The following SIPA1L1 variants were observed in gnomAD, a reference collection of about 807,000 sequenced individuals.
The protein encoded by SIPA1L1 is signal-induced proliferation-associated 1-like protein 1.
Under a neutral mutation model 162.7 loss-of-function variants are expected in SIPA1L1, and 26 were observed. The ratio of observed to expected loss-of-function variants is 0.16; its 90% confidence interval spans 0.12 to 0.22. SIPA1L1 has a LOEUF of 0.22. SIPA1L1 is among the 10% of genes least tolerant of loss of function. The pLI is 1.00. For synonymous variants in SIPA1L1, 829 were observed against 837.4 expected, an observed-to-expected ratio of 0.99 and a Z score of 0.17; for missense variants, 1,874 against 2,241.0, an observed-to-expected ratio of 0.84 and a Z score of 3.31.
At chr14:71,688,726 T>C (rs2081048787) in intron 13 of SIPA1L1, among the ~76,000 whole-genome samples, 1 of 152,204 alleles carries the variant, frequency 6.6e-6, no homozygotes, top group African/African-American at 2.4e-5. Context: ...ACTCACCAAG[T>C]ATAATTTGGA....
chr14:71,659,046 G>A (rs2043293402), intron 9 of SIPA1L1, among the ~76,000 whole-genome samples: 1 of 152,186 alleles, frequency 6.6e-6, no homozygotes, highest in Admixed American at 6.5e-5. Context: ...ACTAAGAGGT[G>A]ACAGATTGTT....
intron 2 of SIPA1L1, among the ~76,000 whole-genome samples, chr14:71,433,655 T>G (rs2044170171): frequency 6.6e-6 from 1 of 152,174 alleles, no homozygotes; most frequent in African/African-American, 2.4e-5. Flanking sequence ...CCATGAGTTT[T>G]TTTTTTCCTG....
intron 2 of SIPA1L1, among the ~76,000 whole-genome samples, chr14:71,344,378 A>G (rs2035946259): frequency 6.6e-6 from 1 of 152,214 alleles, no homozygotes; most frequent in South Asian, 2.1e-4. Flanking sequence ...GACAATGTAT[A>G]TAGCACCCTT....
intron 12 of SIPA1L1, among the ~76,000 whole-genome samples, chr14:71,678,489 G>A (rs528813983): frequency 6.6e-6 from 1 of 152,284 alleles, no homozygotes; most frequent in East Asian, 1.9e-4. Flanking sequence ...CAGGGATGAA[G>A]CCCACTTGAT....
intron 5 of SIPA1L1, among the ~76,000 whole-genome samples, chr14:71,601,020 G>T (rs2036684002): frequency 6.6e-6 from 1 of 152,030 alleles, no homozygotes; most frequent in South Asian, 2.1e-4. Flanking sequence ...GTTTTTTCTA[G>T]ATATAAGATT....
chr14:71,466,728 G>A (rs2047029205), intron 2 of SIPA1L1, among the ~76,000 whole-genome samples: 1 of 152,096 alleles, frequency 6.6e-6, no homozygotes, highest in African/African-American at 2.4e-5. Flanking sequence ...AGTATTTATT[G>A]TGTTTAGGGT....
chr14:71,580,205 C>T (rs1371601941), intron 4 of SIPA1L1, among the ~76,000 whole-genome samples: 2 of 152,202 alleles, frequency 1.3e-5, no homozygotes, highest in Non-Finnish European at 2.9e-5. Flanking sequence ...ATTCCTTGAG[C>T]CACTGATACC....
chr14:71,613,189 A>G (rs2038421294), intron 5 of SIPA1L1, among the ~76,000 whole-genome samples: 1 of 152,218 alleles, frequency 6.6e-6, no homozygotes, highest in African/African-American at 2.4e-5. Context: ...TCATAATAAA[A>G]TTTTAGAAAC....
chr14:71,558,452 A>G (rs2056524517), intron 4 of SIPA1L1, among the ~76,000 whole-genome samples: 1 of 152,150 alleles, frequency 6.6e-6, no homozygotes, highest in Admixed American at 6.5e-5. Flanking sequence ...GAGCTCCATC[A>G]TGTTTCAAGG....
At chr14:71,532,192 G>A (rs2053510563) in intron 4 of SIPA1L1, among the ~76,000 whole-genome samples, 2 of 152,038 alleles carry the variant, frequency 1.3e-5, no homozygotes, top group South Asian at 2.1e-4. Flanking sequence ...GAATGTATTG[G>A]TTGTTGTGTA....
intron 3 of SIPA1L1, among the ~76,000 whole-genome samples, chr14:71,528,369 T>A (rs551935710): frequency 1.3e-5 from 2 of 152,250 alleles, no homozygotes; most frequent in East Asian, 3.9e-4. Flanking sequence ...TAATTCTATT[T>A]TTCAGCTGGG....
At chr14:71,487,367 GT>G (rs993863845) in intron 2 of SIPA1L1, among the ~76,000 whole-genome samples, 1 of 152,190 alleles carries the variant, frequency 6.6e-6, no homozygotes, top group Non-Finnish European at 1.5e-5. Flanking sequence ...AAATGAGATA[GT>G]TCCTGTAAAT....
chr14:71,604,343 A>G (rs1015263618), intron 5 of SIPA1L1, among the ~76,000 whole-genome samples: 3 of 151,928 alleles, frequency 2.0e-5, no homozygotes, highest in Admixed American at 6.6e-5. Context: ...AAGTCTCACT[A>G]TGTTGCCCAA....
Position 71,502,249 on chromosome 14 carries a change from A to ATAT in SIPA1L1, c.-464-10494_-464-10493insTAT, listed in dbSNP as rs1567114570. ...AGAGCCTTTGAGATACTTGAAAAAAAAAAAAAATATATATATATATATATA... is the reference window on the plus strand; with the variant it reads ...AGAGCCTTTGAGATACTTGAAAAAAATATAAAAAAATATATATATATATATATA... On this transcript the variant is annotated intron_variant, in intron 2 of 23. Transcript: ENST00000381232. Among the ~76,000 whole-genome samples, 41 of 67,074 alleles carry ATAT rather than the reference A, an allele frequency of 6.1e-4. 1 individual carries two copies. The South Asian group carries it at 7.4e-3, about 12-fold the overall frequency. 44.0% of individuals were successfully genotyped at this position (67,074 alleles called of 152,430 possible). A position where few individuals can be genotyped will look rare whatever the true frequency, so the allele number is the denominator to read the frequency against.
intron 2 of SIPA1L1, among the ~76,000 whole-genome samples, chr14:71,491,428 C>T (rs1016104888): frequency 3.9e-5 from 6 of 151,994 alleles, no homozygotes; most frequent in African/African-American, 1.5e-4. Flanking sequence ...AACTTAATGG[C>T]TTAGTGGAAG....
chr14:71,660,180 G>A (rs1423206939), intron 9 of SIPA1L1, among the ~76,000 whole-genome samples: 4 of 151,858 alleles, frequency 2.6e-5, no homozygotes, highest in African/African-American at 9.7e-5. Context: ...ATTTGTTTTT[G>A]GTATGTCCAA....
chr14:71,521,685 G>T (rs2052369995), intron 3 of SIPA1L1, among the ~76,000 whole-genome samples: 1 of 152,210 alleles, frequency 6.6e-6, no homozygotes, highest in South Asian at 2.1e-4. Context: ...CTACCTAGGT[G>T]TGAAATTGCT....
chr14:71,471,438 C>T (rs903955362), intron 2 of SIPA1L1, among the ~76,000 whole-genome samples: 5 of 152,188 alleles, frequency 3.3e-5, no homozygotes, highest in Non-Finnish European at 7.3e-5. Context: ...CACTGCACTC[C>T]AGCCTGGGCA....
chr14:71,709,270 A>C lies in SIPA1L1; in HGVS notation c.3814A>C (p.Asn1272His). Residue 1272 changes from asparagine (N) to histidine (H), a missense_variant, in exon 17 of 24, where the codon AAT becomes CAT. Around this residue, in one of 5 missense-constraint regions of SIPA1L1, gnomAD observed 936 missense variants for 1,051.9 expected, o/e 0.89. Transcript: ENST00000381232. ...CTCCAGTAGCAATACTCTCTCCAGC[A>C]ATGCGTCAAGTGCCCATAGTGATGA... ...SHSSSNTLSS[N>H]ASSAHSDEKW... The C allele has an allele frequency of 6.2e-7, 1 of 1,614,222 alleles. No individual in the cohort carries two copies. Among genetic ancestry groups the C allele is most frequent in the Non-Finnish European group, 8.5e-7 (1 of 1,180,036 alleles).
Sources: gnomAD v4.1 joint callset for allele counts (sites outside exome capture counted in the v4.1 genomes callset) on GRCh38, gnomAD v4.1.1 for gene constraint, gnomAD v4.1.1 regional missense constraint, MANE v1.5 for transcripts, NCBI Gene and HGNC (gene_info 2026-07-23, HGNC 2026-07-21) for gene names.